Variants in CLSPN observed in about 807,000 individuals in gnomAD.
CLSPN encodes claspin homolog.
A neutral mutation model predicts 156.3 loss-of-function variants in CLSPN; 85 were observed. That is an observed-to-expected ratio of 0.54 (90% CI 0.46 to 0.65). The LOEUF is 0.65. Ranked by LOEUF, CLSPN falls within the 30% of genes least tolerant of loss-of-function variation. CLSPN has a pLI of 0.00. For missense variants in CLSPN, 1,407 were observed against 1,554.9 expected, an observed-to-expected ratio of 0.90 and a Z score of 1.60; for synonymous variants, 534 against 542.4, an observed-to-expected ratio of 0.98 and a Z score of 0.22.
chr1:35,729,420 C>G (rs958056129), downstream of CLSPN, among the ~76,000 whole-genome samples: 2 of 152,174 alleles, frequency 1.3e-5, no homozygotes, highest in Non-Finnish European at 2.9e-5. Flanking sequence ...CTCCCTTTTC[C>G]CATTATGAAT....
rs1641385133 is a variant in CLSPN, at chr1:35,734,039, T to C, written c.*2457A>G. Reference sequence around the variant, plus strand: ...AAGGTACCATTTATGTAAACTCAATTATCCTCTTCACCTGAGCTGAACCCA... The same window carrying C: ...AAGGTACCATTTATGTAAACTCAATCATCCTCTTCACCTGAGCTGAACCCA... On this transcript the variant is annotated 3_prime_UTR_variant, in exon 25 of 25. Transcript: ENST00000318121. The C allele has an allele frequency of 2.0e-6, 2 of 985,302 alleles. No individual in the cohort carries two copies. The highest frequency in any genetic ancestry group is 1.2e-4 in the Admixed American group (2 of 16,262). 61.0% of individuals were successfully genotyped at this position (985,302 alleles called of 1,614,324 possible). A position where few individuals can be genotyped will look rare whatever the true frequency, so the allele number is the denominator to read the frequency against.
In CLSPN at chr1:35,748,477, GA is replaced by G. The variant is rs776068676; in HGVS notation, c.2399del (p.Phe800SerfsTer37). ...GAGATCTGAATCCTCCTGCTGTAGGGAAAAAACTGGTCCCACGGCCTGTTTG... is the reference window on the plus strand; with the variant it reads ...GAGATCTGAATCCTCCTGCTGTAGGGAAAAACTGGTCCCACGGCCTGTTTG... ...NRQTGRGTSF[F>X]PTAGGFRSPS... is the part of the protein sequence containing the mutation. On this transcript the variant is annotated frameshift_variant, in exon 13 of 25. Coordinates refer to ENST00000318121, the MANE Select transcript of CLSPN (RefSeq NM_022111.4). LOFTEE classifies it high-confidence loss of function. 1 of 1,614,100 alleles carries G rather than the reference GA, an allele frequency of 6.2e-7. No individual in the cohort carries two copies. Among genetic ancestry groups the G allele is most frequent in the Admixed American group, 1.7e-5 (1 of 60,012 alleles).
downstream of CLSPN, among the ~76,000 whole-genome samples, chr1:35,728,077 C>CTTTTTTTTTTTTTTTTTT (rs59275877): frequency 1.3e-4 from 14 of 103,984 alleles, no homozygotes; most frequent in Non-Finnish European, 1.1e-4. Context: ...AAACCACAAG[C>CTTTTTTTTTTTTTTTTTT]TTTTTTTTTT....
In CLSPN at chr1:35,738,113, AATAT is replaced by A. The variant is rs200967861; in HGVS notation, c.3559-20_3559-17del. The A allele has an allele frequency of 4.3e-3, 1,572 of 362,126 alleles. 25 individuals carry two copies. Among genetic ancestry groups the A allele is most frequent in the African/African-American group, 0.016 (330 of 20,502 alleles). 22.4% of individuals were successfully genotyped at this position (362,126 alleles called of 1,614,324 possible). On this transcript the variant is annotated splice_polypyrimidine_tract_variant and intron_variant, in intron 21 of 24. Coordinates refer to ENST00000318121, the MANE Select transcript of CLSPN (RefSeq NM_022111.4). The stretch of plus-strand genomic sequence containing the variant: ...CCTGCTGTGCCTGAAAAAAAAAAAA[AATAT>A]ATATATATATATATATATATATACA...
chr1:35,759,926 TG>T (rs1642416341), intron 8 of CLSPN, among the ~76,000 whole-genome samples: 1 of 150,902 alleles, frequency 6.6e-6, no homozygotes, highest in Non-Finnish European at 1.5e-5. Flanking sequence ...CTCTGCCTTC[TG>T]GGTTCAAGTA....
chr1:35,748,373 G>A, intron 13 of CLSPN, 32 bp downstream of exon 13: 3 of 1,585,768 alleles, frequency 1.9e-6, no homozygotes, highest in East Asian at 2.2e-5. Context: ...AGCAAAGAGA[G>A]GAGGAGATTA....
chr1:35,761,967 T>C, intron 6 of CLSPN, 31 bp downstream of exon 6: 1 of 1,513,092 alleles, frequency 6.6e-7, no homozygotes, highest in Non-Finnish European at 9.1e-7. Flanking sequence ...AATGTTGTGA[T>C]TTTGCCTCAA....
At chr1:35,753,505 T>C (rs1185967302) in intron 9 of CLSPN, among the ~76,000 whole-genome samples, 1 of 151,554 alleles carries the variant, frequency 6.6e-6, no homozygotes, top group Admixed American at 6.6e-5. Flanking sequence ...TTATTCTATA[T>C]ATTTGTCTAT....
chr1:35,722,412 G>A (rs1641093741), intron 24 of CLSPN, among the ~76,000 whole-genome samples: 1 of 151,524 alleles, frequency 6.6e-6, no homozygotes, highest in Non-Finnish European at 1.5e-5. Flanking sequence ...CCGCCACCTG[G>A]TGAATGTTTG....
intron 12 of CLSPN, 190 bp from the exon 13 acceptor site, chr1:35,748,794 T>C: frequency 3.4e-6 from 2 of 588,602 alleles, no homozygotes; most frequent in Non-Finnish European, 6.2e-6. Flanking sequence ...GGCTTATTAC[T>C]CTGAGCTAAG....
At chr1:35,749,953 G>T (rs1642025411) in intron 10 of CLSPN, 142 bp from the exon 11 acceptor site, 1 of 944,310 alleles carries the variant, frequency 1.1e-6, no homozygotes, top group Non-Finnish European at 1.5e-6. Flanking sequence ...AGTTCCATAT[G>T]ACCATTATCA....
At position 35,760,868 on chromosome 1, in the gene CLSPN, T is replaced by C. The variant is rs1642451948; in HGVS notation, c.1053A>G (p.Ala351=). 1 of 1,614,016 alleles carries C rather than the reference T, an allele frequency of 6.2e-7. No individual in the cohort carries two copies. Among genetic ancestry groups the C allele is most frequent in the Non-Finnish European group, 8.5e-7 (1 of 1,179,922 alleles). The change falls in exon 8 of 25, where the codon GCA becomes GCG. Residue 351 remains alanine (A), a synonymous_variant. Transcript: ENST00000318121. ...GATCACTGTTCATTTCAGTAGTATT[T>C]GCAGTGTCTATGATTTCTTTGTGAT... ...SSHHKEIIDT[A]NTTEMNSDHH... is the part of the protein sequence containing the mutation.
intron 14 of CLSPN, 112 bp from the exon 15 acceptor site, chr1:35,747,104 C>CTT: frequency 1.4e-6 from 1 of 725,058 alleles, no homozygotes. Flanking sequence ...GGGCGGATCA[C>CTT]GAGGTCAGGA....
Position 35,765,340 on chromosome 1 carries a change from A to G in CLSPN, c.25-14T>C, listed in dbSNP as rs1323192029. On this transcript the variant is annotated splice_polypyrimidine_tract_variant and intron_variant, in intron 1 of 24. Transcript: ENST00000318121. ...TTCTAGGTGAACCTAGAAAATGACA[A>G]TATACTTTATATCAACCAGCAGGTG... 6.4e-7 allele frequency: 1 copy of G among 1,555,008 alleles called. No homozygotes were observed. The highest frequency in any genetic ancestry group is 1.4e-5 in the African/African-American group (1 of 73,676).
chr1:35,735,367 A>G lies in CLSPN; in HGVS notation c.*1129T>C. The G allele has an allele frequency of 1.0e-6, 1 of 985,456 alleles. No homozygotes were observed. The highest frequency in any genetic ancestry group is 1.2e-6 in the Non-Finnish European group (1 of 829,932). 61.0% of individuals were successfully genotyped at this position (985,456 alleles called of 1,614,324 possible). A position where few individuals can be genotyped will look rare whatever the true frequency, so the allele number is the denominator to read the frequency against. On this transcript the variant is annotated 3_prime_UTR_variant, in exon 25 of 25. Coordinates refer to ENST00000318121, the MANE Select transcript of CLSPN (RefSeq NM_022111.4). ...CATACAGGAAAATGAAAGGGGTAAG[A>G]GTAATACAGCAGCCCATCTGTTGGT...
rs1006700281 is a variant in CLSPN at position 35,736,359 on chromosome 1, C to A, written c.*137G>T. 1 of 1,375,832 alleles carries A rather than the reference C, an allele frequency of 7.3e-7. No individual in the cohort carries two copies. The highest frequency in any genetic ancestry group is 1.5e-5 in the African/African-American group (1 of 68,034). The allele number at this position is 1,375,832 out of a possible 1,614,324, so 85.2% of individuals were successfully genotyped here. ...GTCCAGAGCTGTGCAGTAGAAATCA[C>A]TGGAATTTCTGTCTGCAATCTTATT... On this transcript the variant is annotated 3_prime_UTR_variant, in exon 25 of 25. Transcript: ENST00000318121.
chr1:35,765,703 T>A (rs1281127698), intron 1 of CLSPN, among the ~76,000 whole-genome samples: 5 of 152,168 alleles, frequency 3.3e-5, no homozygotes, highest in African/African-American at 9.7e-5. Flanking sequence ...CACAATTTTA[T>A]CAACCCTCAA....
rs745932116 is a variant in CLSPN at position 35,769,888 on chromosome 1, C to T, written c.-18G>A. On this transcript the variant is annotated 5_prime_UTR_variant, in exon 1 of 25. Transcript: ENST00000318121. ...CCTGTCATGACTTCTGCCTCCCCTG[C>T]GCTCCACTAGGGACGGAGCTGTCTC... is the stretch of plus-strand genomic sequence containing the variant. 3.7e-6 allele frequency: 6 copies of T among 1,609,204 alleles called. No individual in the cohort carries two copies. The highest frequency in any genetic ancestry group is 1.3e-5 in the African/African-American group (1 of 74,732).
In CLSPN at chr1:35,764,701, C is replaced by T; in HGVS notation, c.147G>A (p.Glu49=). 2 of 1,573,318 alleles carry T rather than the reference C, an allele frequency of 1.3e-6. No individual in the cohort carries two copies. The highest frequency in any genetic ancestry group is 2.2e-5 in the East Asian group (1 of 44,494). ...GPLSEGDSDE[E]IFVSKKLKNR... ...TTTTCAACTTCTTACTTACAAATATCTCTTCATCTGAATCTGGAGGAAACA... is the reference window on the plus strand; with the variant it reads ...TTTTCAACTTCTTACTTACAAATATTTCTTCATCTGAATCTGGAGGAAACA... Residue 49 remains glutamate, a synonymous_variant, in exon 3 of 25, where the codon GAG becomes GAA. Transcript: ENST00000318121.
Sources: gnomAD v4.1 joint callset for allele counts (sites outside exome capture counted in the v4.1 genomes callset) on GRCh38, gnomAD v4.1.1 for gene constraint, MANE v1.5 for transcripts, NCBI Gene and HGNC (gene_info 2026-07-23, HGNC 2026-07-21) for gene names.